Variants in GRID1 observed in about 807,000 individuals in gnomAD.
The protein encoded by GRID1 is glutamate ionotropic receptor delta type subunit 1.
A neutral mutation model predicts 98.0 loss-of-function variants in GRID1; 28 were observed. The observed-to-expected ratio is 0.29, with a 90% CI of 0.21 to 0.39. The LOEUF (loss-of-function observed/expected upper bound fraction) is 0.39, where lower values mean the gene tolerates loss of function less well. Among genes scored for constraint, GRID1 ranks in the 10% least tolerant of loss-of-function variants. The pLI is 1.00. For synonymous variants in GRID1, 553 were observed against 538.5 expected, an observed-to-expected ratio of 1.03 and a Z score of -0.37; for missense variants, 1,111 against 1,340.5, an observed-to-expected ratio of 0.83 and a Z score of 2.67.
chr10:85,692,403 T>C (rs554253764), intron 12 of GRID1, among the ~76,000 whole-genome samples: 28 of 152,266 alleles, frequency 1.8e-4, no homozygotes, highest in African/African-American at 6.5e-4. Flanking sequence ...GGCTCATAGC[T>C]ACAGTCCCAG....
chr10:86,346,201 G>C (rs2132113345), intron 2 of GRID1, among the ~76,000 whole-genome samples: 1 of 152,346 alleles, frequency 6.6e-6, no homozygotes, highest in Non-Finnish European at 1.5e-5. Context: ...CCAGCACATG[G>C]GTTCTGCCAG....
At chr10:85,832,592 C>T (rs1842876967) in intron 8 of GRID1, among the ~76,000 whole-genome samples, 1 of 152,036 alleles carries the variant, frequency 6.6e-6, no homozygotes. Context: ...CTATGTACAA[C>T]TACAAACACT....
At chr10:85,781,818 A>C (rs1052778205) in intron 8 of GRID1, among the ~76,000 whole-genome samples, 1 of 150,760 alleles carries the variant, frequency 6.6e-6, no homozygotes, top group Non-Finnish European at 1.5e-5. Flanking sequence ...AAAAAAAAAA[A>C]CCAAAAACTA....
intron 4 of GRID1, among the ~76,000 whole-genome samples, chr10:86,122,260 C>T (rs1844687227): frequency 6.6e-6 from 1 of 152,222 alleles, no homozygotes; most frequent in Non-Finnish European, 1.5e-5. Flanking sequence ...CTCCCAAAAC[C>T]CTGCTCTTTC....
At chr10:86,146,792 A>G (rs185774082) in intron 3 of GRID1, among the ~76,000 whole-genome samples, 4 of 152,270 alleles carry the variant, frequency 2.6e-5, no homozygotes, top group South Asian at 2.1e-4. Flanking sequence ...GACCCTGAAG[A>G]AAGGAGTGGC....
chr10:85,749,755 T>A (rs1842028976), intron 8 of GRID1, among the ~76,000 whole-genome samples: 1 of 152,212 alleles, frequency 6.6e-6, no homozygotes, highest in South Asian at 2.1e-4. Context: ...AGAGCCTTTG[T>A]ACATGCTCTC....
At chr10:86,318,135 GCCT>G (rs1589447754) in intron 2 of GRID1, among the ~76,000 whole-genome samples, 1 of 152,204 alleles carries the variant, frequency 6.6e-6, no homozygotes, top group East Asian at 1.9e-4. Context: ...CCCACTGCCT[GCCT>G]CCTCTTCAGA....
chr10:86,136,456 G>A (rs559627340), intron 4 of GRID1, among the ~76,000 whole-genome samples: 1 of 152,328 alleles, frequency 6.6e-6, no homozygotes, highest in East Asian at 1.9e-4. Flanking sequence ...GAAGAGAGGG[G>A]CTCTGGAGGG....
intron 12 of GRID1, among the ~76,000 whole-genome samples, chr10:85,716,692 T>C (rs1475466861): frequency 6.7e-6 from 1 of 148,318 alleles, no homozygotes; most frequent in Non-Finnish European, 1.5e-5. Flanking sequence ...ATATATTATA[T>C]ATACATATAT....
Position 85,647,314 on chromosome 10 carries a change from T to C in GRID1, c.2081A>G (p.Lys694Arg), listed in dbSNP as rs1023103088. ...DSAVYEYFRA[K>R]GTNPLEQDST... is the part of the protein sequence containing the mutation. ...GTCCTGCTCCAGGGGGTTGGTGCCC[T>C]TGGCTCGGAAGTACTCATATACAGC... Residue 694 changes from lysine (K) to arginine (R), a missense_variant, in exon 13 of 16, where the codon AAG becomes AGG. By Grantham distance (26) the Lys-to-Arg change is conservative (BLOSUM62 2). This residue lies in a region of GRID1 where 762 missense variants were observed against 869.1 expected (regional missense o/e 0.88). Transcript: ENST00000327946. 7 of 1,614,166 alleles carry C rather than the reference T, an allele frequency of 4.3e-6. No homozygotes were observed. Among genetic ancestry groups the C allele is most frequent in the Non-Finnish European group, 5.9e-6 (7 of 1,179,978 alleles).
At chr10:85,801,751 C>A (rs1031159081) in intron 8 of GRID1, among the ~76,000 whole-genome samples, 15 of 151,264 alleles carry the variant, frequency 9.9e-5, no homozygotes, top group Non-Finnish European at 1.8e-4. Context: ...AAATGATGTT[C>A]AATATTAACA....
intron 4 of GRID1, among the ~76,000 whole-genome samples, chr10:86,091,850 T>A (rs1288792838): frequency 6.6e-6 from 1 of 152,066 alleles, no homozygotes; most frequent in Non-Finnish European, 1.5e-5. Flanking sequence ...CCGAGCCGGG[T>A]AGACTCGCTG....
intron 3 of GRID1, among the ~76,000 whole-genome samples, chr10:86,170,688 C>T (rs181307463): frequency 4.6e-5 from 7 of 152,336 alleles, no homozygotes; most frequent in East Asian, 3.9e-4. Flanking sequence ...CACACACACA[C>T]GTGCGCATGC....
intron 4 of GRID1, among the ~76,000 whole-genome samples, chr10:86,037,796 G>A (rs1378483666): frequency 6.6e-6 from 1 of 152,098 alleles, no homozygotes; most frequent in East Asian, 1.9e-4. Flanking sequence ...GCTCTCGGGT[G>A]GGCGTGGGAA....
At chr10:86,330,516 A>G (rs1007452325) in intron 2 of GRID1, among the ~76,000 whole-genome samples, 2 of 152,158 alleles carry the variant, frequency 1.3e-5, no homozygotes, top group Non-Finnish European at 2.9e-5. Context: ...AGTCACATTG[A>G]TGGTGGATGC....
At chr10:86,038,573 C>T (rs1197889871) in intron 4 of GRID1, among the ~76,000 whole-genome samples, 2 of 152,224 alleles carry the variant, frequency 1.3e-5, no homozygotes, top group Non-Finnish European at 2.9e-5. Flanking sequence ...CAGGTGATGG[C>T]ACTGCCAGTG....
intron 4 of GRID1, among the ~76,000 whole-genome samples, chr10:85,935,970 C>T (rs1419826383): frequency 2.6e-5 from 4 of 152,204 alleles, no homozygotes; most frequent in Non-Finnish European, 5.9e-5. Context: ...TGTGCCAGAG[C>T]CAGTGTATGA....
At chr10:85,649,825 AC>A (rs1187815341) in intron 12 of GRID1, among the ~76,000 whole-genome samples, 2 of 152,110 alleles carry the variant, frequency 1.3e-5, no homozygotes, top group East Asian at 3.9e-4. Flanking sequence ...AGTAGACCTC[AC>A]TGTTCCCACC....
intron 4 of GRID1, among the ~76,000 whole-genome samples, chr10:85,952,075 C>G (rs1039666399): frequency 1.3e-5 from 2 of 152,240 alleles, no homozygotes; most frequent in Admixed American, 6.5e-5. Flanking sequence ...TCTTCCCAAA[C>G]AAACCTTTCA....
Sources: allele counts gnomAD v4.1 joint callset (sites outside exome capture counted in the v4.1 genomes callset), GRCh38; gene constraint gnomAD v4.1.1; regional missense constraint gnomAD v4.1.1; transcripts MANE v1.5; gene names NCBI Gene and HGNC (gene_info 2026-07-23, HGNC 2026-07-21).